The following DHRSX variants were observed in gnomAD, a reference collection of about 807,000 sequenced individuals.
DHRSX encodes polyprenol dehydrogenase.
Under a neutral mutation model 34.0 loss-of-function variants are expected in DHRSX, and 31 were observed. That is an observed-to-expected ratio of 0.91 (90% confidence interval 0.69 to 1.23). The LOEUF is 1.23. DHRSX is among the 50% of genes most tolerant of loss of function. DHRSX has a pLI of 0.00. For missense variants in DHRSX, 414 were observed against 428.1 expected, an observed-to-expected ratio of 0.97 and a Z score of 0.29; for synonymous variants, 201 against 183.8, an observed-to-expected ratio of 1.09 and a Z score of -0.76.
At chrX:2,494,331 C>CATT (rs911313625) in intron 1 of DHRSX, among the ~76,000 whole-genome samples, 3 of 151,372 alleles carry the variant, frequency 2.0e-5, no homozygotes, top group Non-Finnish European at 2.9e-5. Context: ...TTCATTCTAT[C>CATT]ATTATTATTA....
At chrX:2,310,776 C>A (rs1361926413) in intron 3 of DHRSX, among the ~76,000 whole-genome samples, 1 of 151,624 alleles carries the variant, frequency 6.6e-6, no homozygotes, top group African/African-American at 2.4e-5. Flanking sequence ...CAGAGAGACA[C>A]AGAGAGACAG....
intron 5 of DHRSX, among the ~76,000 whole-genome samples, chrX:2,265,514 C>A (rs773325141): frequency 6.7e-5 from 9 of 133,496 alleles, no homozygotes; most frequent in Non-Finnish European, 8.0e-5. Context: ...CCCAGAGCAC[C>A]AGTGTCCAGC....
intron 1 of DHRSX, among the ~76,000 whole-genome samples, chrX:2,472,958 T>G (rs960547822): frequency 6.6e-6 from 1 of 152,120 alleles, no homozygotes; most frequent in African/African-American, 2.4e-5. Flanking sequence ...GCCTGCTCTG[T>G]GCTTCCAGAA....
At chrX:2,332,957 CA>C (rs1422562508) in intron 3 of DHRSX, among the ~76,000 whole-genome samples, 15 of 152,104 alleles carry the variant, frequency 9.9e-5, no homozygotes, top group Admixed American at 9.2e-4. Flanking sequence ...AACTAACAAT[CA>C]GGGGGCTTGG....
intron 3 of DHRSX, among the ~76,000 whole-genome samples, chrX:2,364,209 G>T (rs538541180): frequency 6.6e-6 from 1 of 152,128 alleles, no homozygotes; most frequent in Non-Finnish European, 1.5e-5. Flanking sequence ...TACATCAGTG[G>T]TTTTCCATTG....
chrX:2,437,791 C>G (rs2044013147), intron 1 of DHRSX, among the ~76,000 whole-genome samples: 1 of 151,230 alleles, frequency 6.6e-6, no homozygotes, highest in East Asian at 1.9e-4. Flanking sequence ...AAAAACCCAA[C>G]AAAGCTGGTC....
At chrX:2,322,136 C>G (rs1440674928) in intron 3 of DHRSX, among the ~76,000 whole-genome samples, 1 of 148,636 alleles carries the variant, frequency 6.7e-6, no homozygotes, top group Non-Finnish European at 1.5e-5. Context: ...ACTCTTCCCC[C>G]CCAAGACCCC....
chrX:2,293,258 T>G (rs904391826), intron 3 of DHRSX, among the ~76,000 whole-genome samples: 4 of 151,574 alleles, frequency 2.6e-5, no homozygotes, highest in African/African-American at 7.3e-5. Context: ...AAGCTGTTTT[T>G]TTTTTTTTTT....
intron 1 of DHRSX, among the ~76,000 whole-genome samples, chrX:2,471,394 C>T (rs1227811358): frequency 2.0e-5 from 3 of 152,114 alleles, no homozygotes; most frequent in African/African-American, 7.2e-5. Flanking sequence ...GGCTGAAACC[C>T]CTTCTCTACT....
chrX:2,448,307 T>G (rs1035927128), intron 1 of DHRSX, among the ~76,000 whole-genome samples: 2 of 152,180 alleles, frequency 1.3e-5, no homozygotes, highest in Non-Finnish European at 2.9e-5. Context: ...CACTCCACCG[T>G]GGGTGATAGG....
chrX:2,307,176 C>T (rs2042108340), intron 3 of DHRSX, among the ~76,000 whole-genome samples: 1 of 152,100 alleles, frequency 6.6e-6, no homozygotes, highest in Admixed American at 6.6e-5. Flanking sequence ...ACAGATGCAG[C>T]TGGAGGCCAT....
Position 2,226,627 on chromosome X carries a change from C to T in DHRSX, c.805-5398G>A, listed in dbSNP as rs777149029. On this transcript the variant is annotated intron_variant, in intron 6 of 6. Transcript: ENST00000334651. Reference sequence around the variant, plus strand: ...CATCCTGGCTAACACAGTGAAACCCCGTCTCTACTAAAAAACACAAAAAAT... The same window carrying T: ...CATCCTGGCTAACACAGTGAAACCCTGTCTCTACTAAAAAACACAAAAAAT... Among the ~76,000 whole-genome samples the T allele has an allele frequency of 1.5e-3, 228 of 152,004 alleles. 2 individuals are homozygous for T. Among genetic ancestry groups the T allele is most frequent in the Middle Eastern group, 3.4e-3 (1 of 294 alleles).
rs1344228796 is a variant in DHRSX, at chrX:2,478,738, TC to T, written c.109+22078del. ...CAACCAGGGCTGTGACTGAAGACGT[TC>T]CCCAAGCGTGCGGCCAAGGGACCAC... On this transcript the variant is annotated intron_variant, in intron 1 of 6. Coordinates refer to ENST00000334651, the MANE Select transcript of DHRSX (RefSeq NM_145177.3). Among the ~76,000 whole-genome samples the T allele has an allele frequency of 5.9e-5, 9 of 151,720 alleles. No homozygotes were observed. In the East Asian group the frequency reaches 1.8e-3, roughly 30 times the overall value.
chrX:2,325,542 A>T (rs2042375320), intron 3 of DHRSX, among the ~76,000 whole-genome samples: 1 of 152,132 alleles, frequency 6.6e-6, no homozygotes. Flanking sequence ...CCAACTACAA[A>T]GCCCATTTGC....
intron 3 of DHRSX, among the ~76,000 whole-genome samples, chrX:2,336,185 C>T (rs1672220957): frequency 6.6e-6 from 1 of 151,610 alleles, no homozygotes; most frequent in Non-Finnish European, 1.5e-5. Flanking sequence ...TTTTTTTGTA[C>T]TTTTAGTAGA....
intron 1 of DHRSX, among the ~76,000 whole-genome samples, chrX:2,485,251 A>G (rs2044859008): frequency 6.6e-6 from 1 of 152,104 alleles, no homozygotes; most frequent in African/African-American, 2.4e-5. Context: ...AAAAACGTGT[A>G]AACATGTCCC....
rs529087553 is a variant in DHRSX at position 2,272,626 on chromosome X, C to T, written c.389-5679G>A. Among the ~76,000 whole-genome samples, 5 of 152,200 alleles carry T rather than the reference C, an allele frequency of 3.3e-5. No individual in the cohort carries two copies. In the South Asian group the frequency reaches 1.0e-3, roughly 32 times the overall value. Reference sequence around the variant, plus strand: ...AGGAGCCAGCTTTGGTTTAAAAAGACTGAGCACCTTCAGCCTGACATGCTG... The same window carrying T: ...AGGAGCCAGCTTTGGTTTAAAAAGATTGAGCACCTTCAGCCTGACATGCTG... On this transcript the variant is annotated intron_variant, in intron 4 of 6. Transcript: ENST00000334651.
rs779978822 is a variant in DHRSX at position 2,253,262 on chromosome X, G to T, written c.597-10032C>A. ...GCGCCACGGCACTCCAGCCTAGGAG[G>T]CGGACGTGGTCGTGAGCCAAGATGG... On this transcript the variant is annotated intron_variant, in intron 5 of 6. Transcript: ENST00000334651. Among the ~76,000 whole-genome samples, 839 of 151,496 alleles carry T rather than the reference G, an allele frequency of 5.5e-3. 2 individuals are homozygous for T. The highest frequency in any genetic ancestry group is 0.018 in the African/African-American group (728 of 40,938).
At chrX:2,395,615 T>C (rs1157557672) in intron 3 of DHRSX, among the ~76,000 whole-genome samples, 1 of 152,020 alleles carries the variant, frequency 6.6e-6, no homozygotes, top group Non-Finnish European at 1.5e-5. Flanking sequence ...AAGGAAGGCA[T>C]GGATGGGGGC....
Sources: allele counts gnomAD v4.1 joint callset (sites outside exome capture counted in the v4.1 genomes callset), GRCh38; gene constraint gnomAD v4.1.1; transcripts MANE v1.5; gene names NCBI Gene and HGNC (gene_info 2026-07-23, HGNC 2026-07-21).